Variants in STXBP2 observed in about 807,000 individuals in gnomAD.
The protein encoded by STXBP2 is syntaxin-binding protein 2.
Under a neutral mutation model 72.2 loss-of-function variants are expected in STXBP2, and 47 were observed. The observed-to-expected ratio is 0.65, with a 90% CI of 0.51 to 0.83. The LOEUF is 0.83. Among genes scored for constraint, STXBP2 ranks in the 40% least tolerant of loss-of-function variants. STXBP2 has a pLI of 0.00. For missense variants in STXBP2, 702 were observed against 807.6 expected, an observed-to-expected ratio of 0.87 and a Z score of 1.58; for synonymous variants, 367 against 338.7, an observed-to-expected ratio of 1.08 and a Z score of -0.92.
At chr19:7,640,434 G>A (rs11665984) in intron 4 of STXBP2, 6 of 643,184 alleles carry the variant, frequency 9.3e-6, no homozygotes, top group Admixed American at 6.7e-5. Flanking sequence ...GCGCATCTGT[G>A]TGTGTGCATG....
At chr19:7,633,319 G>T, upstream of STXBP2, 1 of 1,318,010 alleles carries the variant, frequency 7.6e-7, no homozygotes, top group Non-Finnish European at 1.1e-6. Context: ...AGACTCACTC[G>T]TTAATTAGGT....
the STXBP2 span, chr19:7,631,814 G>T: frequency 7.2e-7 from 1 of 1,394,464 alleles, no homozygotes; most frequent in Admixed American, 2.8e-5. Context: ...CCGTCCTGTG[G>T]ATGAAGAGGG....
At chr19:7,632,620 C>G, upstream of STXBP2, 2 of 1,585,592 alleles carry the variant, frequency 1.3e-6, no homozygotes, top group Non-Finnish European at 1.7e-6. This position sits in a 1 kb window ranked among gnomAD's most constrained non-coding sequence, Gnocchi z 5.2. Context: ...CAACCACCTC[C>G]CACATCCCGT....
intron 4 of STXBP2, chr19:7,640,172 G>C: frequency 1.8e-6 from 1 of 557,068 alleles, no homozygotes; most frequent in Non-Finnish European, 3.4e-6. Context: ...GTGTGTGTGT[G>C]CGTCTGTCTG....
intron 16 of STXBP2, 38 bp from the exon 17 acceptor site, chr19:7,647,124 C>T (rs375116713): frequency 1.9e-6 from 3 of 1,607,480 alleles, no homozygotes; most frequent in East Asian, 2.2e-5. Flanking sequence ...GGACCCCATG[C>T]CTGGGGTTCC....
At chr19:7,641,227 T>G in intron 6 of STXBP2, 1 of 580,488 alleles carries the variant, frequency 1.7e-6, no homozygotes, top group East Asian at 3.3e-5. Flanking sequence ...GAAATTAGCT[T>G]GGCGTGGTGG....
rs566354422 is a variant in STXBP2, at chr19:7,641,773, G to T, written c.498G>T (p.Thr166=). 3 of 1,551,756 alleles carry T rather than the reference G, an allele frequency of 1.9e-6. No individual in the cohort carries two copies. In the African/African-American group the frequency reaches 4.1e-5, roughly 21 times the overall value. The change falls in exon 7 of 19, where the codon ACG becomes ACT. Residue 166 remains threonine, a synonymous_variant. Coordinates refer to ENST00000221283, the MANE Select transcript of STXBP2 (RefSeq NM_006949.4). ...LYCPFRAEER[T]RQLEVLAQQI... ...GCCCCTTCCGGGCAGAGGAGCGCACGCGGCAGCTCGAGGTGCTGGCCCAGC... is the reference window on the plus strand; with the variant it reads ...GCCCCTTCCGGGCAGAGGAGCGCACTCGGCAGCTCGAGGTGCTGGCCCAGC...
At chr19:7,641,184 CA>C (rs768255040) in intron 6 of STXBP2, 181 bp downstream of exon 6, 1 of 700,860 alleles carries the variant, frequency 1.4e-6, no homozygotes, top group Non-Finnish European at 2.5e-6. Flanking sequence ...GGGTACAGAG[CA>C]AGACCCCGTC....
At chr19:7,631,533 C>T in the STXBP2 span, 6,653 of 1,535,792 alleles carry the variant, frequency 4.3e-3, 196 homozygotes, top group East Asian at 0.084. Context: ...GAAGCTCCTT[C>T]GCGACGCCCA....
chr19:7,641,156 G>A (rs1281967364), intron 6 of STXBP2, 153 bp downstream of exon 6: 1 of 800,586 alleles, frequency 1.2e-6, no homozygotes, highest in Non-Finnish European at 2.1e-6. Flanking sequence ...CTTGGGGCCA[G>A]GAGTTTGAGA....
intron 6 of STXBP2, 29 bp from the exon 7 acceptor site, chr19:7,641,676 C>T (rs375651274): frequency 1.3e-6 from 2 of 1,550,254 alleles, no homozygotes. Flanking sequence ...CAGCGGCAAC[C>T]CTGGTGCTTC....
At position 7,647,397 on chromosome 19, in the gene STXBP2, G is replaced by C. The variant is rs1171695512; in HGVS notation, c.1582G>C (p.Ala528Pro). 1 of 1,613,510 alleles carries C rather than the reference G, an allele frequency of 6.2e-7. No homozygotes were observed. Among genetic ancestry groups the C allele is most frequent in the African/African-American group, 1.3e-5 (1 of 75,058 alleles). ...HWHKNKAGIEARAGPRLIVYV... is the reference protein window; with the variant it reads ...HWHKNKAGIEPRAGPRLIVYV... ...GCACAAGAACAAGGCTGGCATAGAAGCCCGGGCGGGCCCCCGGCTCATCGT... is the reference window on the plus strand; with the variant it reads ...GCACAAGAACAAGGCTGGCATAGAACCCCGGGCGGGCCCCCGGCTCATCGT... The change falls in exon 18 of 19, where the codon GCC (alanine) becomes CCC (proline). Residue 528 changes from alanine to proline, a missense_variant. Ala to Pro is a conservative substitution (Grantham distance 27). Transcript: ENST00000221283.
At chr19:7,636,461 C>G (rs766336071), upstream of STXBP2, 1 of 152,166 alleles carries the variant, frequency 6.6e-6, no homozygotes, top group South Asian at 2.1e-4. Context: ...GTAAGCGTTG[C>G]GCCTCCCGGA....
At position 7,642,037 on chromosome 19, in the gene STXBP2, C is replaced by T; in HGVS notation, c.582C>T (p.Gly194=). 6.2e-7 allele frequency: 1 copy of T among 1,614,040 alleles called. No individual in the cohort carries two copies. The highest frequency in any genetic ancestry group is 1.6e-4 in the Middle Eastern group (1 of 6,062). The part of the protein sequence containing the change: ...QEYPAIRYRK[G]PEDTAQLAHA... The stretch of plus-strand genomic sequence containing the variant: ...CCGTGTCTGACCTCCCCGCCAGGGG[C>T]CCAGAGGACACAGCCCAGTTGGCCC... The change falls in exon 8 of 19, where the codon GGC becomes GGT. Residue 194 remains glycine, a synonymous_variant. Coordinates refer to ENST00000221283, the MANE Select transcript of STXBP2 (RefSeq NM_006949.4). This position sits in a 1 kb window ranked among gnomAD's most constrained non-coding sequence, Gnocchi z 6.0.
intron 4 of STXBP2, chr19:7,640,180 CTGTG>C (rs761364900): frequency 2.4e-5 from 11 of 459,302 alleles, no homozygotes; most frequent in South Asian, 1.2e-4. Flanking sequence ...GTGCGTCTGT[CTGTG>C]TGCATGTGTG....
the STXBP2 span, chr19:7,630,537 G>A: frequency 7.4e-5 from 110 of 1,481,518 alleles, no homozygotes; most frequent in Middle Eastern, 2.2e-3. Flanking sequence ...ACATTGCTTG[G>A]GGGGAGCTCA....
rs374566216 is a variant in STXBP2, at chr19:7,642,184, G to C, written c.664-19G>C. The C allele has an allele frequency of 6.2e-7, 1 of 1,614,036 alleles. No homozygotes were observed. The highest frequency in any genetic ancestry group is 1.7e-5 in the Admixed American group (1 of 60,022). On this transcript the variant is annotated intron_variant, in intron 8 of 18. Coordinates refer to ENST00000221283, the MANE Select transcript of STXBP2 (RefSeq NM_006949.4). The surrounding 1 kb of genome is among the most constrained non-coding windows in gnomAD (Gnocchi z 6.0). ...GGCTCAGGGTCAGTGCCTCATTCCT[G>C]CCCTAAACCCCACCCCAGGGCCCAG...
At chr19:7,629,855 TTTCGGGTCA>T in the STXBP2 span, 35 of 1,534,644 alleles carry the variant, frequency 2.3e-5, no homozygotes, top group Non-Finnish European at 3.1e-5. Flanking sequence ...GCTGGAGATA[TTTCGGGTCA>T]GTGGACACAG....
In STXBP2 at chr19:7,642,190, A is replaced by T. The variant is rs2146217548; in HGVS notation, c.664-13A>T. ...GGGTCAGTGCCTCATTCCTGCCCTA[A>T]ACCCCACCCCAGGGCCCAGAGAAAA... is the stretch of plus-strand genomic sequence containing the variant. On this transcript the variant is annotated splice_polypyrimidine_tract_variant and intron_variant, in intron 8 of 18. Coordinates refer to ENST00000221283, the MANE Select transcript of STXBP2 (RefSeq NM_006949.4). This position sits in a 1 kb window ranked among gnomAD's most constrained non-coding sequence, Gnocchi z 6.0. The T allele has an allele frequency of 1.9e-6, 3 of 1,613,972 alleles. No individual in the cohort carries two copies. Among genetic ancestry groups the T allele is most frequent in the Non-Finnish European group, 2.5e-6 (3 of 1,179,936 alleles).
Sources: allele counts gnomAD v4.1 joint callset, GRCh38; gene constraint gnomAD v4.1.1; non-coding constraint Gnocchi (gnomAD v3.1); transcripts MANE v1.5; gene names NCBI Gene and HGNC (gene_info 2026-07-23, HGNC 2026-07-21).